RNF130: variants seen among roughly 807,000 people sequenced by gnomAD.
RNF130 encodes ring finger protein 130.
A neutral mutation model predicts 44.6 loss-of-function variants in RNF130; 21 were observed. That is an observed-to-expected ratio of 0.47 (90% CI 0.33 to 0.68). The LOEUF (loss-of-function observed/expected upper bound fraction) is 0.68, where lower values mean the gene tolerates loss of function less well. RNF130 is among the 30% of genes least tolerant of loss of function. The pLI is 0.02. For synonymous variants in RNF130, 214 were observed against 210.4 expected (o/e 1.02, Z -0.15); for missense variants, 479 against 560.6 (o/e 0.85, Z 1.47).
intron 7 of RNF130, among the ~76,000 whole-genome samples, chr5:179,926,955 G>A (rs1435163116): frequency 1.3e-5 from 2 of 152,132 alleles, no homozygotes; most frequent in Non-Finnish European, 2.9e-5. Flanking sequence ...GGGCCCCCTC[G>A]CCCCACTCGA....
exon 8 of RNF130, chr5:179,916,019 C>T (rs149120406): frequency 6.6e-6 from 1 of 152,300 alleles, no homozygotes; most frequent in East Asian, 1.9e-4. Context: ...TAAAAGTTTG[C>T]TGGCGATATT....
At chr5:179,925,988 G>A (rs1004882228) in intron 7 of RNF130, among the ~76,000 whole-genome samples, 4 of 152,184 alleles carry the variant, frequency 2.6e-5, no homozygotes, top group Non-Finnish European at 4.4e-5. Context: ...CAGCAGAGGC[G>A]AGGCAGGGAA....
chr5:179,994,322 T>C (rs542267512), intron 3 of RNF130, among the ~76,000 whole-genome samples: 1 of 152,314 alleles, frequency 6.6e-6, no homozygotes, highest in South Asian at 2.1e-4. Flanking sequence ...ATTTTCACAA[T>C]ATTGATTCTT....
Position 180,040,478 on chromosome 5 carries a change from C to T in RNF130, c.417G>A (p.Glu139=), listed in dbSNP as rs1282297168. 6 of 1,612,800 alleles carry T rather than the reference C, an allele frequency of 3.7e-6. No individual in the cohort carries two copies. Among genetic ancestry groups the T allele is most frequent in the African/African-American group, 2.7e-5 (2 of 74,866 alleles). Residue 139 remains glutamate (E), a synonymous_variant, in exon 2 of 9, where the codon GAG becomes GAA. Coordinates refer to ENST00000521389, the MANE Select transcript of RNF130 (RefSeq NM_018434.6). The part of the protein sequence containing the change: ...AVVIYNNKSK[E]EPVTMTHPGT... ...CTGGATGAGTCATGGTAACTGGCTC[C>T]TCTTTGGATTTATTATTGTAGATGA...
At chr5:180,045,000 C>G (rs1764524016) in intron 1 of RNF130, among the ~76,000 whole-genome samples, 1 of 152,144 alleles carries the variant, frequency 6.6e-6, no homozygotes, top group South Asian at 2.1e-4. Flanking sequence ...CATGGAACCC[C>G]TGAAACTTGC....
chr5:179,921,120 G>T (rs1761626521), intron 7 of RNF130, among the ~76,000 whole-genome samples: 1 of 151,788 alleles, frequency 6.6e-6, no homozygotes, highest in South Asian at 2.1e-4. Context: ...GCTTTACTGG[G>T]GTATAACTGA....
intron 8 of RNF130, among the ~76,000 whole-genome samples, chr5:179,957,849 G>A (rs1762242909): frequency 6.6e-6 from 1 of 151,802 alleles, no homozygotes; most frequent in Non-Finnish European, 1.5e-5. Context: ...TGAGCAAAAG[G>A]TTATCAGGTT....
chr5:179,974,451 T>C (rs1488680000), intron 5 of RNF130, among the ~76,000 whole-genome samples: 1 of 152,178 alleles, frequency 6.6e-6, no homozygotes, highest in East Asian at 1.9e-4. Context: ...AGGAGGCCCC[T>C]CCGCCATGCC....
At chr5:180,003,770 T>C (rs1763400663) in intron 3 of RNF130, among the ~76,000 whole-genome samples, 1 of 152,344 alleles carries the variant, frequency 6.6e-6, no homozygotes, top group South Asian at 2.1e-4. Flanking sequence ...AATTCTTCCA[T>C]GAAGATCACT....
chr5:179,963,410 G>A, intron 8 of RNF130, 61 bp downstream of exon 8: 1 of 1,312,178 alleles, frequency 7.6e-7, no homozygotes, highest in South Asian at 1.2e-5. Context: ...CATGAAAACT[G>A]CTCCATGTGT....
chr5:179,939,674 C>T, intron 7 of RNF130: 1 of 448,138 alleles, frequency 2.2e-6, no homozygotes, highest in Non-Finnish European at 4.4e-6. Flanking sequence ...CCTAGTGATC[C>T]AAATGAAGAA....
At chr5:180,013,002 G>T in intron 3 of RNF130, 59 bp downstream of exon 3, 2 of 1,550,416 alleles carry the variant, frequency 1.3e-6, no homozygotes, top group South Asian at 2.5e-5. Flanking sequence ...GCATGGTCAC[G>T]ACAGATGACT....
chr5:179,939,636 T>C (rs1022242134), intron 7 of RNF130: 10 of 461,362 alleles, frequency 2.2e-5, no homozygotes, highest in African/African-American at 2.1e-4. Flanking sequence ...ACAAATGACG[T>C]GGAAGAGAAT....
chr5:179,985,870 C>T (rs10058085), intron 3 of RNF130, among the ~76,000 whole-genome samples: 23,647 of 152,084 alleles, frequency 0.16, 1,991 homozygotes, highest in Admixed American at 0.19. Flanking sequence ...ATTAAAAATC[C>T]GTTCACAAAA....
chr5:180,060,840 T>C lies in RNF130; in HGVS notation c.247+10616A>G, dbSNP rs546123080. Among the ~76,000 whole-genome samples, 61 of 151,970 alleles carry C rather than the reference T, an allele frequency of 4.0e-4. No individual in the cohort carries two copies. The South Asian group carries it at 7.7e-3, about 19-fold the overall frequency. The stretch of plus-strand genomic sequence containing the variant: ...ATCCCAGCACTTTGGGAGGCCGAGG[T>C]GGGCGGATCACGAGGTCGGGCGATC... On this transcript the variant is annotated intron_variant, in intron 1 of 8. Coordinates refer to ENST00000521389, the MANE Select transcript of RNF130 (RefSeq NM_018434.6).
At chr5:179,941,305 C>A (rs1375180025) in intron 7 of RNF130, among the ~76,000 whole-genome samples, 1 of 152,288 alleles carries the variant, frequency 6.6e-6, no homozygotes, top group East Asian at 1.9e-4. Context: ...CTTCCCATTG[C>A]CTCTGGAAGT....
chr5:179,954,002 G>C (rs1762164490), downstream of RNF130, among the ~76,000 whole-genome samples: 1 of 152,172 alleles, frequency 6.6e-6, no homozygotes, highest in Non-Finnish European at 1.5e-5. Flanking sequence ...AAGATGCTTT[G>C]CATCTTCAGT....
intron 3 of RNF130, among the ~76,000 whole-genome samples, chr5:180,001,077 T>C (rs1000465085): frequency 2.6e-5 from 4 of 152,150 alleles, no homozygotes; most frequent in African/African-American, 9.7e-5. Flanking sequence ...GGGAAGGGTG[T>C]GGTGACTATT....
In RNF130 at chr5:180,003,689, T is replaced by A. The variant is rs537434817; in HGVS notation, c.693+9372A>T. On this transcript the variant is annotated intron_variant, in intron 3 of 8. Coordinates refer to ENST00000521389, the MANE Select transcript of RNF130 (RefSeq NM_018434.6). The stretch of plus-strand genomic sequence containing the variant: ...CCTGGAATCTGTCTAAAAGCCACTA[T>A]TTTTTTAAAATTTTTCATTCTAAGT... 9.6e-5 allele frequency among the ~76,000 whole-genome samples: 10 copies of A among 103,846 alleles called. No homozygotes were observed. The East Asian group carries it at 2.2e-3, about 23-fold the overall frequency. 68.1% of individuals were successfully genotyped at this position (103,846 alleles called of 152,430 possible).
Sources: allele counts gnomAD v4.1 joint callset (sites outside exome capture counted in the v4.1 genomes callset), GRCh38; gene constraint gnomAD v4.1.1; transcripts MANE v1.5; gene names NCBI Gene and HGNC (gene_info 2026-07-23, HGNC 2026-07-21).